The following EHD3 variants were observed in gnomAD, a reference collection of about 807,000 sequenced individuals.
EHD3 encodes EH domain-containing protein 3.
In EHD3, 17 loss-of-function variants were observed where a neutral mutation model predicts 43.0. The ratio of observed to expected loss-of-function variants is 0.40; its 90% CI spans 0.27 to 0.59. EHD3 has a LOEUF of 0.59. EHD3 is among the 20% of genes least tolerant of loss of function. The pLI is 0.49. For synonymous variants in EHD3, 313 were observed against 289.5 expected, an observed-to-expected ratio of 1.08 and a Z score of -0.82; for missense variants, 594 against 705.6, an observed-to-expected ratio of 0.84 and a Z score of 1.79.
chr2:31,237,806 A>G lies in EHD3; in HGVS notation c.227+2958A>G, dbSNP rs114963977. Among the ~76,000 whole-genome samples the G allele has an allele frequency of 6.6e-3, 998 of 152,340 alleles. 11 individuals are homozygous for G. The highest frequency in any genetic ancestry group is 0.021 in the African/African-American group (870 of 41,586). On this transcript the variant is annotated intron_variant, in intron 1 of 5. Transcript: ENST00000322054. ...TACTATTTCACTATTTGTATATACAATTATTCATTCAACTAATGAATAGCA... is the reference window on the plus strand; with the variant it reads ...TACTATTTCACTATTTGTATATACAGTTATTCATTCAACTAATGAATAGCA...
At chr2:31,239,495 G>A (rs558826969) in intron 1 of EHD3, among the ~76,000 whole-genome samples, 2 of 152,334 alleles carry the variant, frequency 1.3e-5, no homozygotes, top group Admixed American at 6.5e-5. Context: ...CAGGTGCCTG[G>A]CAGTCATCAG....
intron 3 of EHD3, among the ~76,000 whole-genome samples, chr2:31,249,961 A>T (rs1161305042): frequency 6.6e-6 from 1 of 152,192 alleles, no homozygotes; most frequent in Non-Finnish European, 1.5e-5. Context: ...ATTGCTCATT[A>T]AAGGAGGTTG....
At chr2:31,251,910 G>A (rs540403979) in intron 3 of EHD3, among the ~76,000 whole-genome samples, 20 of 152,232 alleles carry the variant, frequency 1.3e-4, no homozygotes, top group African/African-American at 4.3e-4. Context: ...TTTACCCTGC[G>A]TTTAAGCCTG....
At position 31,266,596 on chromosome 2, in the gene EHD3, G is replaced by A; in HGVS notation, c.1500G>A (p.Glu500=). The A allele has an allele frequency of 6.2e-7, 1 of 1,614,184 alleles. No homozygotes were observed. Among genetic ancestry groups the A allele is most frequent in the Non-Finnish European group, 8.5e-7 (1 of 1,180,040 alleles). The change falls in exon 6 of 6, where the codon GAG becomes GAA. Residue 500 remains glutamate, a synonymous_variant. Coordinates refer to ENST00000322054, the MANE Select transcript of EHD3 (RefSeq NM_014600.3). The surrounding 1 kb of genome is among the most constrained non-coding windows in gnomAD (Gnocchi z 5.1). ...AGGATGGCATGCTGGACGACGACGA[G>A]TTTGCACTGGCCAACCACCTCATCA... ...IDKDGMLDDD[E]FALANHLIKV...
At chr2:31,256,790 C>G (rs1284826436) in intron 3 of EHD3, among the ~76,000 whole-genome samples, 1 of 152,226 alleles carries the variant, frequency 6.6e-6, no homozygotes, top group Non-Finnish European at 1.5e-5. Flanking sequence ...TCTCTGGTGT[C>G]TTTGTTTTCC....
Position 31,266,653 on chromosome 2 carries a change from C to G in EHD3, c.1557C>G (p.Asn519Lys). ...KVKLEGHELP[N>K]ELPAHLLPPS... ...AGCTGGAGGGGCACGAGCTGCCCAA[C>G]GAGCTGCCTGCCCACCTCCTGCCCC... The change falls in exon 6 of 6, where the codon AAC becomes AAG. Residue 519 changes from asparagine to lysine, a missense_variant. Coordinates refer to ENST00000322054, the MANE Select transcript of EHD3 (RefSeq NM_014600.3). This position sits in a 1 kb window ranked among gnomAD's most constrained non-coding sequence, Gnocchi z 5.1. 6.2e-7 allele frequency: 1 copy of G among 1,612,694 alleles called. No homozygotes were observed. The highest frequency in any genetic ancestry group is 1.1e-5 in the South Asian group (1 of 91,000).
chr2:31,234,525 C>CG lies in EHD3; in HGVS notation c.-96dup, dbSNP rs1360619778. 7.1e-6 allele frequency: 10 copies of CG among 1,410,346 alleles called. No individual in the cohort carries two copies. In the African/African-American group the frequency reaches 9.9e-5, roughly 14 times the overall value. The allele number at this position is 1,410,346 out of a possible 1,614,324, so 87.4% of individuals were successfully genotyped here. ...GCCCCGCGCTTGGGTGAGGCGGCGG[C>CG]GCGGCTCGGAGCCCGGCGGACCGGT... On this transcript the variant is annotated 5_prime_UTR_variant, in exon 1 of 6. Coordinates refer to ENST00000322054, the MANE Select transcript of EHD3 (RefSeq NM_014600.3).
At chr2:31,261,824 GAA>G in intron 5 of EHD3, 111 bp downstream of exon 5, 1 of 1,309,096 alleles carries the variant, frequency 7.6e-7, no homozygotes, top group East Asian at 2.4e-5. Context: ...ACCCCGCCCA[GAA>G]TCTGCAGGCA....
intron 3 of EHD3, among the ~76,000 whole-genome samples, chr2:31,257,292 A>G (rs1683769024): frequency 6.6e-6 from 1 of 152,198 alleles, no homozygotes; most frequent in African/African-American, 2.4e-5. Flanking sequence ...GCTGAAGGGA[A>G]GATAAAAATA....
Position 31,251,261 on chromosome 2 carries a change from G to A in EHD3, c.502+1793G>A, listed in dbSNP as rs111644781. ...AGGTGTGTGGTGCAGGGCCAGGCTC[G>A]GCTCTTTGAGGCTACACTATGCCTG... On this transcript the variant is annotated intron_variant, in intron 3 of 5. Transcript: ENST00000322054. Among the ~76,000 whole-genome samples, 507 of 152,298 alleles carry A rather than the reference G, an allele frequency of 3.3e-3. 5 individuals are homozygous for A. The highest frequency in any genetic ancestry group is 0.011 in the African/African-American group (467 of 41,572).
chr2:31,234,272 G>A lies in EHD3; in HGVS notation c.-350G>A. The A allele has an allele frequency of 2.9e-6, 1 of 344,626 alleles. No individual in the cohort carries two copies. Among genetic ancestry groups the A allele is most frequent in the South Asian group, 2.4e-5 (1 of 41,674 alleles). 21.3% of individuals were successfully genotyped at this position (344,626 alleles called of 1,614,324 possible). A position where few individuals can be genotyped will look rare whatever the true frequency, so the allele number is the denominator to read the frequency against. On this transcript the variant is annotated 5_prime_UTR_variant, in exon 1 of 6. Transcript: ENST00000322054. ...GCTGCACGCAGGGCAGAGCAGGCGA[G>A]GGCTGGGGGCCGATCGGGGACCCCG... is the stretch of plus-strand genomic sequence containing the variant.
Position 31,260,583 on chromosome 2 carries a change from C to T in EHD3, c.576C>T (p.His192=). Residue 192 remains histidine, a synonymous_variant, in exon 4 of 6, where the codon CAC becomes CAT. Coordinates refer to ENST00000322054, the MANE Select transcript of EHD3 (RefSeq NM_014600.3). This position sits in a 1 kb window ranked among gnomAD's most constrained non-coding sequence, Gnocchi z 4.6. Reference sequence around the variant, plus strand: ...GCATCATTCTGCTCTTCGATGCCCACAAACTGGACATCTCTGATGAGTTCT... The same window carrying T: ...GCATCATTCTGCTCTTCGATGCCCATAAACTGGACATCTCTGATGAGTTCT... The part of the protein sequence containing the change: ...VDRIILLFDA[H]KLDISDEFSE... 6.2e-7 allele frequency: 1 copy of T among 1,614,166 alleles called. No individual in the cohort carries two copies. Among genetic ancestry groups the T allele is most frequent in the Non-Finnish European group, 8.5e-7 (1 of 1,180,016 alleles).
chr2:31,259,663 G>A (rs1336586810), intron 3 of EHD3, among the ~76,000 whole-genome samples: 2 of 152,220 alleles, frequency 1.3e-5, no homozygotes, highest in East Asian at 3.8e-4. Context: ...GAGCCTGAGT[G>A]AGAACAAGAT....
chr2:31,242,566 C>T (rs1373844055), intron 1 of EHD3, among the ~76,000 whole-genome samples: 1 of 152,192 alleles, frequency 6.6e-6, no homozygotes, highest in African/African-American at 2.4e-5. Flanking sequence ...CTATACAAGG[C>T]ATTTTGAATG....
intron 3 of EHD3, among the ~76,000 whole-genome samples, chr2:31,252,365 C>CA (rs1286861389): frequency 6.6e-6 from 1 of 152,258 alleles, no homozygotes; most frequent in Non-Finnish European, 1.5e-5. Context: ...GTGCAGTGCA[C>CA]AGCCTGTGCA....
chr2:31,241,643 C>T (rs1238808199), intron 1 of EHD3, among the ~76,000 whole-genome samples: 2 of 152,112 alleles, frequency 1.3e-5, no homozygotes, highest in Admixed American at 6.5e-5. Context: ...TCCGGCACAT[C>T]GCAGGTACTC....
chr2:31,236,149 C>T (rs375005456), intron 1 of EHD3, among the ~76,000 whole-genome samples: 3 of 152,196 alleles, frequency 2.0e-5, no homozygotes, highest in East Asian at 3.9e-4. Context: ...CACCTTGTAA[C>T]GCCAGCCTTC....
rs1683840456 is a variant in EHD3 at position 31,260,878 on chromosome 2, C to G, written c.871C>G (p.Leu291Val). 1.2e-6 allele frequency: 2 copies of G among 1,613,662 alleles called. No individual in the cohort carries two copies. The highest frequency in any genetic ancestry group is 1.7e-6 in the Non-Finnish European group (2 of 1,179,860). The change falls in exon 4 of 6, where the codon CTG (leucine) becomes GTG (valine). Residue 291 changes from leucine (L) to valine (V), a missense_variant. Physicochemically the swap from Leu to Val is conservative, Grantham distance 32. Transcript: ENST00000322054. The surrounding 1 kb of genome is among the most constrained non-coding windows in gnomAD (Gnocchi z 4.6). The stretch of plus-strand genomic sequence containing the variant: ...CCAGAGTCTGCCCCGAAATGCTGCC[C>G]TGCGCAAGCTCAACGACCTCATCAA... ...DIQSLPRNAA[L>V]RKLNDLIKRA...
intron 2 of EHD3, among the ~76,000 whole-genome samples, chr2:31,245,968 G>A (rs922477934): frequency 3.9e-5 from 6 of 152,084 alleles, no homozygotes; most frequent in Non-Finnish European, 8.8e-5. Context: ...GACAGGGACA[G>A]GGAGACCACG....
Sources: gnomAD v4.1 joint callset for allele counts (sites outside exome capture counted in the v4.1 genomes callset) on GRCh38, gnomAD v4.1.1 for gene constraint, Gnocchi (gnomAD v3.1) non-coding constraint, MANE v1.5 for transcripts, NCBI Gene and HGNC (gene_info 2026-07-23, HGNC 2026-07-21) for gene names.